TRIM48: variants seen among roughly 807,000 people sequenced by gnomAD.
TRIM48 encodes E3 ubiquitin-protein ligase TRIM48.
A neutral mutation model predicts 29.5 loss-of-function variants in TRIM48; 31 were observed. That is an observed-to-expected ratio of 1.05 (90% CI 0.79 to 1.42). The LOEUF (loss-of-function observed/expected upper bound fraction) is 1.42, where lower values mean the gene tolerates loss of function less well. Among genes scored for constraint, TRIM48 ranks in the 40% most tolerant of loss-of-function variants. The probability of loss-of-function intolerance (pLI) is 0.00; values close to 1 mark genes in which losing one functional copy is unlikely to be tolerated. For missense variants in TRIM48, 344 were observed against 265.0 expected (o/e 1.30, Z -2.07); for synonymous variants, 128 against 90.6 (o/e 1.41, Z -2.34).
At chr11:55,262,969 G>A (rs1016193632) in intron 1 of TRIM48, among the ~76,000 whole-genome samples, 5 of 152,052 alleles carry the variant, frequency 3.3e-5, no homozygotes, top group African/African-American at 7.2e-5. Context: ...AAATTCAGCA[G>A]CGTTATCAAA....
intron 3 of TRIM48, among the ~76,000 whole-genome samples, chr11:55,265,911 C>T (rs1243442267): frequency 6.8e-6 from 1 of 147,120 alleles, no homozygotes; most frequent in Non-Finnish European, 1.5e-5. Flanking sequence ...TTACCCAAAG[C>T]ATGCTGATTT....
rs1022976202 is a variant in TRIM48 at position 55,268,398 on chromosome 11, T to C, written c.578+26T>C. On this transcript the variant is annotated intron_variant, in intron 4 of 5. Transcript: ENST00000417545. ...GTGAGTATGTACCTGGATTTTAGCA[T>C]ATGTTCTTTCACTTTCCACGAATAT... The C allele has an allele frequency of 8.5e-6, 13 of 1,537,750 alleles. 1 individual carries two copies. The highest frequency in any genetic ancestry group is 2.8e-5 in the African/African-American group (2 of 72,204).
chr11:55,266,656 C>G (rs1346529761), intron 3 of TRIM48, among the ~76,000 whole-genome samples: 1 of 147,104 alleles, frequency 6.8e-6, no homozygotes, highest in Non-Finnish European at 1.5e-5. Context: ...ATAGGGTGGT[C>G]AGAAAAAAGA....
chr11:55,266,694 G>A (rs1267883277), intron 3 of TRIM48, among the ~76,000 whole-genome samples: 1 of 147,612 alleles, frequency 6.8e-6, no homozygotes, highest in Non-Finnish European at 1.5e-5. Context: ...ATTGAACAAA[G>A]TTTCAAAGAG....
intron 1 of TRIM48, among the ~76,000 whole-genome samples, chr11:55,263,473 C>T (rs1424286412): frequency 1.3e-5 from 2 of 151,194 alleles, no homozygotes; most frequent in African/African-American, 2.4e-5. Context: ...GCCAACATGG[C>T]GAAACCTCAT....
Position 55,271,086 on chromosome 11 carries a change from T to G in TRIM48, c.*651T>G. 1 of 1,080,632 alleles carries G rather than the reference T, an allele frequency of 9.3e-7. No homozygotes were observed. Among genetic ancestry groups the G allele is most frequent in the Non-Finnish European group, 1.3e-6 (1 of 783,414 alleles). 66.9% of individuals were successfully genotyped at this position (1,080,632 alleles called of 1,614,324 possible). ...TGTTATTAAAACTCATTTATTGTGT[T>G]ACTATTAAATGTAGTAAAAACACTA... On this transcript the variant is annotated 3_prime_UTR_variant, in exon 6 of 6. Coordinates refer to ENST00000417545, the MANE Select transcript of TRIM48 (RefSeq NM_024114.5).
At position 55,265,689 on chromosome 11, in the gene TRIM48, C is replaced by G. The variant is rs1179187071; in HGVS notation, c.549C>G (p.His183Gln). 2.3e-5 allele frequency: 37 copies of G among 1,579,510 alleles called. 1 individual carries two copies. The highest frequency in any genetic ancestry group is 2.7e-5 in the African/African-American group (2 of 72,862). ...ATGTGGAAACCACCAGAATCAGCCACTGGAAGGTTAGTCCTGTAATACCCT... is the reference window on the plus strand; with the variant it reads ...ATGTGGAAACCACCAGAATCAGCCAGTGGAAGGTTAGTCCTGTAATACCCT... ...NLNVETTRIS[H>Q]WKAFGDILYR... Residue 183 changes from histidine (H) to glutamine (Q), a missense_variant, in exon 3 of 6, where the codon CAC becomes CAG. Coordinates refer to ENST00000417545, the MANE Select transcript of TRIM48 (RefSeq NM_024114.5).
intron 1 of TRIM48, among the ~76,000 whole-genome samples, chr11:55,264,325 G>T (rs181208881): frequency 4.1e-5 from 6 of 147,040 alleles, no homozygotes; most frequent in Non-Finnish European, 7.5e-5. Context: ...TTTCTATTTC[G>T]CTTTGGATTT....
chr11:55,266,266 A>T (rs1000011305), intron 3 of TRIM48, among the ~76,000 whole-genome samples: 2 of 147,768 alleles, frequency 1.4e-5, no homozygotes. Flanking sequence ...ACATGCAAAC[A>T]TGCCCAAAAT....
At chr11:55,267,823 C>T (rs192836701) in intron 3 of TRIM48, among the ~76,000 whole-genome samples, 6 of 147,966 alleles carry the variant, frequency 4.1e-5, no homozygotes, top group Non-Finnish European at 6.0e-5. Context: ...GCCAAAGGTC[C>T]CTCCTACTTT....
chr11:55,270,310 T>G (rs1333903890), intron 5 of TRIM48, 127 bp from the exon 6 acceptor site: 8 of 712,740 alleles, frequency 1.1e-5, no homozygotes, highest in Non-Finnish European at 1.7e-5. Flanking sequence ...CAAGCAAAAG[T>G]GTCCTTGTGA....
rs1257966113 is a variant in TRIM48 at position 55,271,077 on chromosome 11, T to A, written c.*642T>A. The A allele has an allele frequency of 6.1e-6, 7 of 1,153,006 alleles. No homozygotes were observed. In the Admixed American group the frequency reaches 1.6e-4, roughly 26 times the overall value. 71.4% of individuals were successfully genotyped at this position (1,153,006 alleles called of 1,614,324 possible). Reference sequence around the variant, plus strand: ...GCATTCTAATGTTATTAAAACTCATTTATTGTGTTACTATTAAATGTAGTA... The same window carrying A: ...GCATTCTAATGTTATTAAAACTCATATATTGTGTTACTATTAAATGTAGTA... On this transcript the variant is annotated 3_prime_UTR_variant, in exon 6 of 6. Transcript: ENST00000417545.
rs750126820 is a variant in TRIM48 at position 55,270,357 on chromosome 11, C to T, written c.*2-80C>T. 451 of 1,186,924 alleles carry T rather than the reference C, an allele frequency of 3.8e-4. 22 individuals carry two copies. The highest frequency in any genetic ancestry group is 6.3e-4 in the African/African-American group (40 of 63,938). 73.5% of individuals were successfully genotyped at this position (1,186,924 alleles called of 1,614,324 possible). Reference sequence around the variant, plus strand: ...CTGGTAAATTAACTTTTTGATAGAACGATTTTTGCTTATTTACACATGCCT... The same window carrying T: ...CTGGTAAATTAACTTTTTGATAGAATGATTTTTGCTTATTTACACATGCCT... On this transcript the variant is annotated intron_variant, in intron 5 of 5. Transcript: ENST00000417545.
chr11:55,267,361 G>C, intron 3 of TRIM48: 2 of 1,523,036 alleles, frequency 1.3e-6, no homozygotes, highest in Non-Finnish European at 1.8e-6. Flanking sequence ...TTTAATAGGA[G>C]ATGGATATAT....
rs960530605 is a variant in TRIM48, at chr11:55,266,728, T to A, written c.555+1033T>A. ...AGGAAGGGGAGCACAAAAGTGTGTA[T>A]GGATATATATGTGGACCATGAGTGT... On this transcript the variant is annotated intron_variant, in intron 3 of 5. Transcript: ENST00000417545. 2.0e-5 allele frequency among the ~76,000 whole-genome samples: 3 copies of A among 147,486 alleles called. 1 individual carries two copies. Among genetic ancestry groups the A allele is most frequent in the Admixed American group, 1.4e-4 (2 of 14,554 alleles).
In TRIM48 at chr11:55,266,152, C is replaced by A. The variant is rs909609723; in HGVS notation, c.555+457C>A. Among the ~76,000 whole-genome samples, 46 of 147,206 alleles carry A rather than the reference C, an allele frequency of 3.1e-4. 3 individuals are homozygous for A. The highest frequency in any genetic ancestry group is 1.2e-3 in the Admixed American group (17 of 14,466). On this transcript the variant is annotated intron_variant, in intron 3 of 5. Transcript: ENST00000417545. ...AGGCAGAAAGAGTGACAGGGGAAAT[C>A]TAGGGCAACCATGAAATTAAGAATC...
At position 55,270,559 on chromosome 11, in the gene TRIM48, T is replaced by A. The variant is rs1857468161; in HGVS notation, c.*124T>A. On this transcript the variant is annotated 3_prime_UTR_variant, in exon 6 of 6. Coordinates refer to ENST00000417545, the MANE Select transcript of TRIM48 (RefSeq NM_024114.5). ...CCATATCACTGCAACACCTACAAGTTTTCTTGCATGGGGTGCTCAGACTTT... is the reference window on the plus strand; with the variant it reads ...CCATATCACTGCAACACCTACAAGTATTCTTGCATGGGGTGCTCAGACTTT... 6.3e-7 allele frequency: 1 copy of A among 1,583,426 alleles called. No homozygotes were observed. Among genetic ancestry groups the A allele is most frequent in the Admixed American group, 1.7e-5 (1 of 58,366 alleles).
chr11:55,267,292 A>T, intron 3 of TRIM48: 1 of 1,230,842 alleles, frequency 8.1e-7, no homozygotes, highest in Non-Finnish European at 1.1e-6. Context: ...GATTCTAAGA[A>T]CTGGCAAGAC....
chr11:55,267,718 C>T (rs1857414794), intron 3 of TRIM48: 3 of 1,520,542 alleles, frequency 2.0e-6, no homozygotes, highest in South Asian at 2.6e-5. Context: ...ATCCATCTCC[C>T]TACCTTTATT....
Sources: gnomAD v4.1 joint callset for allele counts (sites outside exome capture counted in the v4.1 genomes callset) on GRCh38, gnomAD v4.1.1 for gene constraint, MANE v1.5 for transcripts, NCBI Gene and HGNC (gene_info 2026-07-23, HGNC 2026-07-21) for gene names.